FSTL4: variants seen among roughly 807,000 people sequenced by gnomAD.
FSTL4 encodes follistatin like 4, also known as follistatin-related protein 4.
A neutral mutation model predicts 78.2 loss-of-function variants in FSTL4; 28 were observed. That is an observed-to-expected ratio of 0.36 (90% CI 0.27 to 0.49). The LOEUF is 0.49. Ranked by LOEUF, FSTL4 falls within the 20% of genes least tolerant of loss-of-function variation. The pLI is 0.98. For synonymous variants in FSTL4, 422 were observed against 440.5 expected, an observed-to-expected ratio of 0.96 and a Z score of 0.53; for missense variants, 922 against 1,084.9, an observed-to-expected ratio of 0.85 and a Z score of 2.11.
intron 3 of FSTL4, among the ~76,000 whole-genome samples, chr5:133,560,588 A>G (rs1759889903): frequency 6.6e-6 from 1 of 150,446 alleles, no homozygotes; most frequent in Admixed American, 6.6e-5. Flanking sequence ...TTGGTCTTGA[A>G]CTCCTAACCT....
intron 6 of FSTL4, among the ~76,000 whole-genome samples, chr5:133,265,214 C>T (rs977959563): frequency 3.9e-5 from 6 of 152,100 alleles, no homozygotes; most frequent in Non-Finnish European, 8.8e-5. Context: ...GGCCTGCCAG[C>T]ACCTGATTTC....
In FSTL4 at chr5:133,312,672, C is replaced by A; in HGVS notation, c.709G>T (p.Glu237Ter). 2 of 1,614,050 alleles carry A rather than the reference C, an allele frequency of 1.2e-6. No homozygotes were observed. The highest frequency in any genetic ancestry group is 1.7e-6 in the Non-Finnish European group (2 of 1,179,948). Residue 237 changes from glutamate to a stop codon, truncating the protein, a stop_gained, in exon 6 of 16, where the codon GAG (glutamate) becomes TAG (stop). Coordinates refer to ENST00000265342, the MANE Select transcript of FSTL4 (RefSeq NM_015082.2). LOFTEE classifies it high-confidence loss of function. ...AACTTACGGAAGGCCATGTAGAACT[C>A]GCGGAGGGTCAGGGAGCTGTCACTG... is the stretch of plus-strand genomic sequence containing the variant. ...YNSDSSLTLREFYMAFQVVQL... is the reference protein window; with the variant it reads ...YNSDSSLTLR
intron 3 of FSTL4, among the ~76,000 whole-genome samples, chr5:133,522,487 C>G (rs1759000789): frequency 6.6e-6 from 1 of 152,172 alleles, no homozygotes; most frequent in Non-Finnish European, 1.5e-5. Context: ...TTAATTCATC[C>G]TGTTGTTTAT....
the FSTL4 span, among the ~76,000 whole-genome samples, chr5:133,838,543 T>C: frequency 6.6e-6 from 1 of 152,172 alleles, no homozygotes; most frequent in Non-Finnish European, 1.5e-5. Flanking sequence ...CAAAGGCTGC[T>C]TCACTCGCAT....
the FSTL4 span, among the ~76,000 whole-genome samples, chr5:133,714,612 T>C: frequency 1.3e-5 from 2 of 152,224 alleles, no homozygotes; most frequent in African/African-American, 4.8e-5. Context: ...GTAAAACTTC[T>C]GCCAAGCTGT....
chr5:133,831,163 C>A, the FSTL4 span, among the ~76,000 whole-genome samples: 1 of 152,138 alleles, frequency 6.6e-6, no homozygotes, highest in African/African-American at 2.4e-5. Context: ...GGATTTAAGC[C>A]CCAGTGAGTG....
At chr5:133,285,572 C>G (rs1286347137) in intron 6 of FSTL4, among the ~76,000 whole-genome samples, 1 of 152,206 alleles carries the variant, frequency 6.6e-6, no homozygotes, top group African/African-American at 2.4e-5. Context: ...GGAATGATTT[C>G]CCTGTTTCCT....
chr5:133,740,724 T>C, the FSTL4 span, among the ~76,000 whole-genome samples: 1 of 151,922 alleles, frequency 6.6e-6, no homozygotes, highest in African/African-American at 2.4e-5. Flanking sequence ...AGCAAGCTCA[T>C]GAAATGGTGG....
chr5:133,392,510 G>A (rs971449541), intron 4 of FSTL4, among the ~76,000 whole-genome samples: 1 of 152,170 alleles, frequency 6.6e-6, no homozygotes, highest in African/African-American at 2.4e-5. Flanking sequence ...GAAGGGTAAG[G>A]TGATCTTAGC....
At chr5:133,504,689 C>T (rs1758577050) in intron 3 of FSTL4, among the ~76,000 whole-genome samples, 1 of 152,174 alleles carries the variant, frequency 6.6e-6, no homozygotes. Flanking sequence ...TCCCAGAGCT[C>T]TCGTCTTCCT....
At chr5:133,771,562 A>C in the FSTL4 span, among the ~76,000 whole-genome samples, 43 of 152,198 alleles carry the variant, frequency 2.8e-4, 1 homozygote, top group South Asian at 8.5e-3. Context: ...AACACTACTG[A>C]TTTCTGTACA....
At chr5:133,330,269 C>A (rs550206300) in intron 4 of FSTL4, among the ~76,000 whole-genome samples, 4 of 152,180 alleles carry the variant, frequency 2.6e-5, no homozygotes, top group Non-Finnish European at 5.9e-5. Context: ...AAAGAAATAC[C>A]TGAGTCTGGG....
intron 6 of FSTL4, among the ~76,000 whole-genome samples, chr5:133,293,487 C>G (rs1316444739): frequency 6.6e-6 from 1 of 152,230 alleles, no homozygotes; most frequent in East Asian, 1.9e-4. Context: ...TCACCTCAAC[C>G]TGCATCCATT....
the FSTL4 span, among the ~76,000 whole-genome samples, chr5:133,676,359 C>A: frequency 1.3e-5 from 2 of 152,178 alleles, no homozygotes; most frequent in African/African-American, 2.4e-5. Context: ...AAACTCATAA[C>A]AATACCTTTT....
At chr5:133,714,922 A>T in the FSTL4 span, among the ~76,000 whole-genome samples, 5 of 152,392 alleles carry the variant, frequency 3.3e-5, no homozygotes, top group African/African-American at 1.2e-4. Flanking sequence ...CTTATGCACC[A>T]GCTGGGTCCC....
chr5:133,784,814 G>A, the FSTL4 span, among the ~76,000 whole-genome samples: 1 of 151,938 alleles, frequency 6.6e-6, no homozygotes, highest in Non-Finnish European at 1.5e-5. Context: ...ATATTCATAT[G>A]GTCCTGTGTG....
At chr5:133,543,032 G>A (rs1759509115) in intron 3 of FSTL4, among the ~76,000 whole-genome samples, 1 of 151,538 alleles carries the variant, frequency 6.6e-6, no homozygotes, top group Admixed American at 6.6e-5. Flanking sequence ...ATTGTGAGGT[G>A]GAGATGTTTA....
At chr5:133,241,100 A>G (rs1016704540) in intron 7 of FSTL4, among the ~76,000 whole-genome samples, 6 of 152,240 alleles carry the variant, frequency 3.9e-5, no homozygotes, top group Non-Finnish European at 8.8e-5. Flanking sequence ...TGACAGTGAC[A>G]TGTCTGTGAC....
chr5:133,737,593 G>A, the FSTL4 span, among the ~76,000 whole-genome samples: 78,739 of 147,482 alleles, frequency 0.53, 22,092 homozygotes, highest in African/African-American at 0.71. Flanking sequence ...TCTTTGATAG[G>A]CTGATTTCCT....
Sources: gnomAD v4.1 joint callset for allele counts (sites outside exome capture counted in the v4.1 genomes callset) on GRCh38, gnomAD v4.1.1 for gene constraint, MANE v1.5 for transcripts, NCBI Gene and HGNC (gene_info 2026-07-23, HGNC 2026-07-21) for gene names.